ZNF398: variants seen among roughly 807,000 people sequenced by gnomAD.
ZNF398 encodes zinc finger protein 398.
Under a neutral mutation model 41.9 loss-of-function variants are expected in ZNF398, and 18 were observed. The ratio of observed to expected loss-of-function variants is 0.43; its 90% CI spans 0.30 to 0.64. ZNF398 has a LOEUF of 0.64. Among genes scored for constraint, ZNF398 ranks in the 30% least tolerant of loss-of-function variants. The pLI is 0.14. For missense variants in ZNF398, 669 were observed against 822.8 expected (o/e 0.81, Z 2.29); for synonymous variants, 260 against 308.8 (o/e 0.84, Z 1.66).
upstream of ZNF398, among the ~76,000 whole-genome samples, chr7:149,142,964 T>A (rs2129519709): frequency 6.6e-6 from 1 of 152,292 alleles, no homozygotes; most frequent in Middle Eastern, 3.4e-3. Context: ...AAAACAGGTA[T>A]AGCTTCATGT....
intron 5 of ZNF398, among the ~76,000 whole-genome samples, chr7:149,177,348 G>A (rs542946973): frequency 6.6e-6 from 1 of 152,202 alleles, no homozygotes; most frequent in South Asian, 2.1e-4. Context: ...TGTAAGCCCA[G>A]CATTTTGGGA....
At chr7:149,136,868 T>G (rs956290041) in intron 2 of ZNF398, among the ~76,000 whole-genome samples, 2 of 126,448 alleles carry the variant, frequency 1.6e-5, no homozygotes, top group African/African-American at 6.5e-5. Flanking sequence ...GCGCTGGGCC[T>G]TTTTTTTTTT....
intron 4 of ZNF398, 133 bp downstream of exon 4, chr7:149,167,063 G>A (rs976776608): frequency 2.1e-5 from 13 of 608,732 alleles, no homozygotes; most frequent in Admixed American, 1.9e-4. Context: ...TGTGTCATCA[G>A]GCATTTAAAT....
chr7:149,134,484 C>T (rs1276803873), intron 2 of ZNF398, among the ~76,000 whole-genome samples: 1 of 151,874 alleles, frequency 6.6e-6, no homozygotes, highest in Non-Finnish European at 1.5e-5. Flanking sequence ...ACCCTCTGGG[C>T]TCAAGATGCT....
intron 4 of ZNF398, among the ~76,000 whole-genome samples, chr7:149,174,488 C>T (rs758837952): frequency 1.3e-5 from 2 of 152,022 alleles, no homozygotes; most frequent in Non-Finnish European, 2.9e-5. Flanking sequence ...GTGCCCAGCC[C>T]ATTCAGAAAA....
chr7:149,150,281 C>T (rs1366766625), intron 1 of ZNF398, among the ~76,000 whole-genome samples: 1 of 152,128 alleles, frequency 6.6e-6, no homozygotes, highest in Non-Finnish European at 1.5e-5. Context: ...TCAGTGTCAG[C>T]ATCACCTGGG....
chr7:149,178,774 A>G lies in ZNF398; in HGVS notation c.902A>G (p.Gln301Arg), dbSNP rs61732816. 1.9e-6 allele frequency: 3 copies of G among 1,614,098 alleles called. No individual in the cohort carries two copies. The highest frequency in any genetic ancestry group is 1.3e-5 in the African/African-American group (1 of 74,926). ...DAFSDVAFKS[Q>R]QSTSMTPFGR... ...TTTTCAGATGTGGCTTTCAAAAGCCAGCAGTCTACATCCATGACACCTTTT... is the reference window on the plus strand; with the variant it reads ...TTTTCAGATGTGGCTTTCAAAAGCCGGCAGTCTACATCCATGACACCTTTT... The change falls in exon 6 of 6, where the codon CAG (glutamine) becomes CGG (arginine). Residue 301 changes from glutamine (Q) to arginine (R), a missense_variant. By Grantham distance (43) the Gln-to-Arg change is conservative. Coordinates refer to ENST00000475153, the MANE Select transcript of ZNF398 (RefSeq NM_170686.3).
upstream of ZNF398, among the ~76,000 whole-genome samples, chr7:149,142,559 C>T (rs1012425525): frequency 7.2e-5 from 11 of 152,260 alleles, no homozygotes; most frequent in African/African-American, 2.6e-4. Flanking sequence ...CCCAGCTACT[C>T]GGGAGGCTGA....
chr7:149,138,916 ATT>A (rs35109418), intron 2 of ZNF398, among the ~76,000 whole-genome samples: 1 of 145,022 alleles, frequency 6.9e-6, no homozygotes, highest in African/African-American at 2.6e-5. Flanking sequence ...TGCCCAGCTA[ATT>A]TTTTTTTTTT....
chr7:149,158,416 G>A (rs1196593400), intron 2 of ZNF398, among the ~76,000 whole-genome samples: 1 of 152,196 alleles, frequency 6.6e-6, no homozygotes, highest in Non-Finnish European at 1.5e-5. Context: ...TTTCTGTGAA[G>A]TGGGGTGGAG....
At position 149,179,129 on chromosome 7, in the gene ZNF398, C is replaced by T. The variant is rs1190418661; in HGVS notation, c.1257C>T (p.Val419=). 6.2e-7 allele frequency: 1 copy of T among 1,614,054 alleles called. No homozygotes were observed. The highest frequency in any genetic ancestry group is 2.2e-5 in the East Asian group (1 of 44,872). The change falls in exon 6 of 6, where the codon GTC becomes GTT. Residue 419 remains valine (V), a synonymous_variant. Transcript: ENST00000475153. This position sits in a 1 kb window ranked among gnomAD's most constrained non-coding sequence, Gnocchi z 6.1. The stretch of plus-strand genomic sequence containing the variant: ...CAAGACTTACCTACCATCTTCGGGT[C>T]CATAACAGCACTGAGCGTCCTTTCC... ...HPSRLTYHLR[V]HNSTERPFPC...
chr7:149,132,073 G>T (rs1415970166), intron 2 of ZNF398, among the ~76,000 whole-genome samples: 1 of 151,954 alleles, frequency 6.6e-6, no homozygotes, highest in Admixed American at 6.6e-5. Context: ...TATAGAATAC[G>T]TTCCTAGAAA....
intron 2 of ZNF398, among the ~76,000 whole-genome samples, chr7:149,134,761 G>A (rs1826675563): frequency 6.6e-6 from 1 of 151,990 alleles, no homozygotes; most frequent in South Asian, 2.1e-4. Flanking sequence ...GACAGAGTCT[G>A]GCTCTGTCGC....
At chr7:149,155,344 C>T (rs1053636070) in intron 2 of ZNF398, among the ~76,000 whole-genome samples, 7 of 151,978 alleles carry the variant, frequency 4.6e-5, no homozygotes, top group African/African-American at 9.7e-5. Context: ...CGCTTGAACC[C>T]GGGAGACAGA....
chr7:149,128,202 T>G (rs1318984510), intron 1 of ZNF398, among the ~76,000 whole-genome samples: 2 of 152,204 alleles, frequency 1.3e-5, no homozygotes, highest in African/African-American at 4.8e-5. Flanking sequence ...TTGGGAAGAC[T>G]TAAGACATCA....
chr7:149,134,066 T>C (rs1333343346), intron 2 of ZNF398, among the ~76,000 whole-genome samples: 1 of 28,472 alleles, frequency 3.5e-5, no homozygotes, highest in African/African-American at 6.3e-5. Flanking sequence ...GTTTTTGTCT[T>C]TTTTTTTTTT....
At chr7:149,141,453 T>TTC (rs1826823931) in intron 2 of ZNF398, among the ~76,000 whole-genome samples, 1 of 132,572 alleles carries the variant, frequency 7.5e-6, no homozygotes, top group Non-Finnish European at 1.6e-5. Context: ...TTTTCTTTTT[T>TTC]TTCTTTTTTT....
intron 2 of ZNF398, among the ~76,000 whole-genome samples, chr7:149,163,520 G>A: frequency 6.6e-6 from 1 of 152,004 alleles, no homozygotes. Flanking sequence ...CTACAGGCCT[G>A]TGCCACCACG....
chr7:149,165,342 C>G (rs1795204994), intron 2 of ZNF398, among the ~76,000 whole-genome samples: 1 of 152,146 alleles, frequency 6.6e-6, no homozygotes, highest in Admixed American at 6.5e-5. Context: ...AGAAGAAAAG[C>G]ATATGCTTCA....
Sources: allele counts gnomAD v4.1 joint callset (sites outside exome capture counted in the v4.1 genomes callset), GRCh38; gene constraint gnomAD v4.1.1; non-coding constraint Gnocchi (gnomAD v3.1); transcripts MANE v1.5; gene names NCBI Gene and HGNC (gene_info 2026-07-23, HGNC 2026-07-21).